PARD3B: variants seen among roughly 807,000 people sequenced by gnomAD.
The protein encoded by PARD3B is par-3 family cell polarity regulator beta, also known as partitioning defective 3 homolog B.
Under a neutral mutation model 130.2 loss-of-function variants are expected in PARD3B, and 103 were observed. That is an observed-to-expected ratio of 0.79 (90% CI 0.67 to 0.93). The LOEUF (loss-of-function observed/expected upper bound fraction) is 0.93. Among genes scored for constraint, PARD3B ranks in the 40% least tolerant of loss-of-function variants. The pLI, the probability that PARD3B is intolerant of heterozygous loss-of-function variation, is 0.00. For synonymous variants in PARD3B, 583 were observed against 553.2 expected, an observed-to-expected ratio of 1.05 and a Z score of -0.76; for missense variants, 1,609 against 1,499.2, an observed-to-expected ratio of 1.07 and a Z score of -1.21.
chr2:205,146,853 G>A lies in PARD3B; in HGVS notation c.1435-11869G>A, dbSNP rs2033401921. On this transcript the variant is annotated intron_variant, in intron 10 of 22. Coordinates refer to ENST00000406610, the MANE Select transcript of PARD3B (RefSeq NM_001302769.2). The surrounding 1 kb of genome is among the most constrained non-coding windows in gnomAD (Gnocchi z 4.3). ...AGCGATTCTCCTGCCTCAGCTTCCT[G>A]AGTAGCTGGGATTATAGGACCCGGC... Among the ~76,000 whole-genome samples, 1 of 151,780 alleles carries A rather than the reference G, an allele frequency of 6.6e-6. No homozygotes were observed. Among genetic ancestry groups the A allele is most frequent in the Non-Finnish European group, 1.5e-5 (1 of 67,950 alleles).
At chr2:205,451,046 C>T (rs1448390846) in intron 20 of PARD3B, among the ~76,000 whole-genome samples, 1 of 152,156 alleles carries the variant, frequency 6.6e-6, no homozygotes, top group Non-Finnish European at 1.5e-5. Flanking sequence ...CAAGTCAGAT[C>T]CTGTTTGACT....
At position 204,610,856 on chromosome 2, in the gene PARD3B, T is replaced by C. The variant is rs2033894846; in HGVS notation, c.120+64737T>C. Among the ~76,000 whole-genome samples, 1 of 152,200 alleles carries C rather than the reference T, an allele frequency of 6.6e-6. No individual in the cohort carries two copies. ...ATTATTTACATAACAGTATTTCTAG[T>C]ATATAAAATTCAGTTGATATATGCT... On this transcript the variant is annotated intron_variant, in intron 1 of 22. Transcript: ENST00000406610. The surrounding 1 kb of genome is among the most constrained non-coding windows in gnomAD (Gnocchi z 4.1).
At chr2:205,217,162 G>C (rs1002996095) in intron 15 of PARD3B, among the ~76,000 whole-genome samples, 1 of 152,164 alleles carries the variant, frequency 6.6e-6, no homozygotes, top group African/African-American at 2.4e-5. Flanking sequence ...GTCACATACT[G>C]TCTAGCCAGA....
intron 20 of PARD3B, among the ~76,000 whole-genome samples, chr2:205,475,433 T>G (rs1575113461): frequency 6.6e-6 from 1 of 152,208 alleles, no homozygotes; most frequent in East Asian, 1.9e-4. Flanking sequence ...TAACTCGGTC[T>G]CTTTTTATAG....
intron 2 of PARD3B, among the ~76,000 whole-genome samples, chr2:204,830,429 A>G (rs1481608843): frequency 1.1e-4 from 16 of 152,218 alleles, no homozygotes; most frequent in Admixed American, 9.8e-4. Flanking sequence ...TAGCTATATT[A>G]AGATACCTTC....
At chr2:205,159,050 C>T (rs1576005543) in intron 11 of PARD3B, 143 bp downstream of exon 11, 1 of 847,816 alleles carries the variant, frequency 1.2e-6, no homozygotes, top group East Asian at 2.7e-5. Flanking sequence ...TATGTGTGAA[C>T]AGATCTGGGA....
intron 6 of PARD3B, 140 bp downstream of exon 6, chr2:205,113,717 C>T (rs140336450): frequency 1.8e-6 from 1 of 546,678 alleles, no homozygotes; most frequent in Non-Finnish European, 3.1e-6. Flanking sequence ...TTCTGTTGGC[C>T]ACTTAAGTGT....
intron 4 of PARD3B, among the ~76,000 whole-genome samples, chr2:205,079,479 A>G (rs954110520): frequency 1.3e-5 from 2 of 152,192 alleles, no homozygotes; most frequent in Non-Finnish European, 2.9e-5. Flanking sequence ...CAGAAGGGCA[A>G]AAAGAGCAAA....
At chr2:205,534,042 A>AAAG (rs1403911396) in intron 21 of PARD3B, among the ~76,000 whole-genome samples, 2 of 144,118 alleles carry the variant, frequency 1.4e-5, no homozygotes, top group African/African-American at 5.1e-5. Flanking sequence ...GATAAAAGAA[A>AAAG]AAGTGAAAAA....
At chr2:204,556,527 T>C (rs974196099) in intron 1 of PARD3B, among the ~76,000 whole-genome samples, 1 of 152,226 alleles carries the variant, frequency 6.6e-6, no homozygotes. Flanking sequence ...TGAAAGATGA[T>C]GAAGAATTTT....
chr2:204,596,884 C>T (rs950779919), intron 1 of PARD3B, among the ~76,000 whole-genome samples: 1 of 152,036 alleles, frequency 6.6e-6, no homozygotes, highest in African/African-American at 2.4e-5. Context: ...CACCATTGCA[C>T]TCCAGCCTGG....
At chr2:205,519,757 T>C (rs1055294582) in intron 21 of PARD3B, among the ~76,000 whole-genome samples, 3 of 145,984 alleles carry the variant, frequency 2.1e-5, no homozygotes, top group African/African-American at 7.6e-5. Flanking sequence ...GTAGACTTCT[T>C]TTCTGGATGT....
Position 205,351,591 on chromosome 2 carries a change from GC to G in PARD3B, c.2631-49419del, listed in dbSNP as rs1212264041. Among the ~76,000 whole-genome samples the G allele has an allele frequency of 2.0e-5, 3 of 152,116 alleles. No individual in the cohort carries two copies. The highest frequency in any genetic ancestry group is 4.4e-5 in the Non-Finnish European group (3 of 68,022). ...AGAATCCAGCTGACCAAATAAGAAG[GC>G]CCATGGGCAGGGAGCAGCTGGGCAC... On this transcript the variant is annotated intron_variant, in intron 18 of 22. Transcript: ENST00000406610. The surrounding 1 kb of genome is among the most constrained non-coding windows in gnomAD (Gnocchi z 4.2).
intron 18 of PARD3B, among the ~76,000 whole-genome samples, chr2:205,389,166 A>C (rs1455496699): frequency 6.6e-6 from 1 of 152,166 alleles, no homozygotes; most frequent in Non-Finnish European, 1.5e-5. Context: ...GTAGTTGAGA[A>C]TCAGTTCCAT....
intron 20 of PARD3B, among the ~76,000 whole-genome samples, chr2:205,496,152 G>A (rs2049916969): frequency 6.6e-6 from 1 of 152,108 alleles, no homozygotes; most frequent in African/African-American, 2.4e-5. Flanking sequence ...CTATCACAAA[G>A]GTGTATGTCC....
At chr2:204,805,739 C>A (rs2042744170) in intron 2 of PARD3B, among the ~76,000 whole-genome samples, 1 of 152,016 alleles carries the variant, frequency 6.6e-6, no homozygotes, top group East Asian at 1.9e-4. Context: ...ACCAATGATG[C>A]AAGGCAAGGG....
chr2:204,971,839 T>A (rs886133368), intron 3 of PARD3B, among the ~76,000 whole-genome samples: 29 of 150,388 alleles, frequency 1.9e-4, no homozygotes, highest in Non-Finnish European at 4.2e-4. Context: ...TTTTAATTTT[T>A]TTTTTTTTTT....
chr2:204,664,893 T>C lies in PARD3B; in HGVS notation c.121-21288T>C, dbSNP rs968518373. The stretch of plus-strand genomic sequence containing the variant: ...TTTTCTTTCATCTCATTCTTTACCA[T>C]GTTTGTTGGGCATTAGTTTAAAAGC... On this transcript the variant is annotated intron_variant, in intron 1 of 22. Transcript: ENST00000406610. The surrounding 1 kb of genome is among the most constrained non-coding windows in gnomAD (Gnocchi z 5.2). Among the ~76,000 whole-genome samples, 17 of 152,258 alleles carry C rather than the reference T, an allele frequency of 1.1e-4. No homozygotes were observed. Among genetic ancestry groups the C allele is most frequent in the Middle Eastern group, 3.4e-3 (1 of 294 alleles).
chr2:205,062,942 A>G (rs1001666412), intron 4 of PARD3B, among the ~76,000 whole-genome samples: 3 of 152,066 alleles, frequency 2.0e-5, no homozygotes, highest in African/African-American at 7.2e-5. Context: ...CATCCTTCCA[A>G]GTCAGCTTCT....
Sources: allele counts gnomAD v4.1 joint callset (sites outside exome capture counted in the v4.1 genomes callset), GRCh38; gene constraint gnomAD v4.1.1; non-coding constraint Gnocchi (gnomAD v3.1); transcripts MANE v1.5; gene names NCBI Gene and HGNC (gene_info 2026-07-23, HGNC 2026-07-21).